Variants in NARS2 observed in about 807,000 individuals in gnomAD.
NARS2 encodes the protein asparaginyl-tRNA synthetase 2, mitochondrial, also known as asparaginyl-tRNA synthetase.
NARS2 carries 60 observed loss-of-function variants against 62.9 expected under a neutral mutation model. That is an observed-to-expected ratio of 0.95 (90% confidence interval 0.77 to 1.18). The LOEUF (loss-of-function observed/expected upper bound fraction) is 1.18. NARS2 is among the 50% of genes most tolerant of loss of function. The probability of loss-of-function intolerance (pLI) is 0.00; values close to 1 mark genes in which losing one functional copy is unlikely to be tolerated. For synonymous variants in NARS2, 196 were observed against 200.0 expected, an observed-to-expected ratio of 0.98 and a Z score of 0.17; for missense variants, 619 against 576.4, an observed-to-expected ratio of 1.07 and a Z score of -0.76.
intron 13 of NARS2, among the ~76,000 whole-genome samples, chr11:78,438,808 G>T (rs1007602441): frequency 6.6e-6 from 1 of 152,180 alleles, no homozygotes. Flanking sequence ...GCTTCTCACC[G>T]TATGGTGGAA....
At chr11:78,553,437 T>C (rs1410088327) in intron 5 of NARS2, among the ~76,000 whole-genome samples, 1 of 152,102 alleles carries the variant, frequency 6.6e-6, no homozygotes, top group Non-Finnish European at 1.5e-5. Context: ...TACAGGCATG[T>C]GCCACCATGC....
chr11:78,554,058 G>A (rs1240206975), intron 5 of NARS2, among the ~76,000 whole-genome samples: 2 of 152,072 alleles, frequency 1.3e-5, no homozygotes, highest in East Asian at 1.9e-4. Flanking sequence ...ATAGATGTGC[G>A]GCCTTATTTC....
At chr11:78,453,483 C>T (rs904505154) in intron 11 of NARS2, among the ~76,000 whole-genome samples, 3 of 152,016 alleles carry the variant, frequency 2.0e-5, no homozygotes, top group Non-Finnish European at 4.4e-5. Flanking sequence ...TAGATAGGAA[C>T]AAGGCTTACA....
chr11:78,566,190 A>G lies in NARS2; in HGVS notation c.455T>C (p.Leu152Pro). The change falls in exon 4 of 14, where the codon CTG (leucine) becomes CCG (proline). Residue 152 changes from leucine (L) to proline (P), a missense_variant. Physicochemically the swap from Leu to Pro is moderately conservative, Grantham distance 98. Transcript: ENST00000281038. ...ACTGCGAATCCTCAATATAGAACCC[A>G]GAACGTTAGTCCTACACCTAAAGTG... is the stretch of plus-strand genomic sequence containing the variant. The part of the protein sequence containing the change: ...YPHFRCRTNV[L>P]GSILRIRSEA... 6.2e-7 allele frequency: 1 copy of G among 1,613,472 alleles called. No homozygotes were observed. The highest frequency in any genetic ancestry group is 8.5e-7 in the Non-Finnish European group (1 of 1,179,598).
At chr11:78,561,104 T>A (rs898195322) in intron 4 of NARS2, among the ~76,000 whole-genome samples, 11 of 152,174 alleles carry the variant, frequency 7.2e-5, no homozygotes, top group Non-Finnish European at 1.5e-4. Flanking sequence ...GATTTTTTTT[T>A]AAATCACACA....
chr11:78,503,617 A>T lies in NARS2; in HGVS notation c.690-10422T>A, dbSNP rs555725888. Among the ~76,000 whole-genome samples, 6 of 152,344 alleles carry T rather than the reference A, an allele frequency of 3.9e-5. No homozygotes were observed. The South Asian group carries it at 6.2e-4, about 16-fold the overall frequency. On this transcript the variant is annotated intron_variant, in intron 6 of 13. Transcript: ENST00000281038. ...TGATACGAAAGGTAGTATTTCATAA[A>T]AAGGGTACACTTGCAGAGGCCTATA...
chr11:78,441,042 C>T (rs774324186), intron 13 of NARS2, 49 bp downstream of exon 13: 1 of 1,566,838 alleles, frequency 6.4e-7, no homozygotes. Context: ...TTCTAGGCAA[C>T]AGTCAGACAA....
At chr11:78,530,024 T>A (rs918704703) in intron 5 of NARS2, among the ~76,000 whole-genome samples, 6 of 152,216 alleles carry the variant, frequency 3.9e-5, no homozygotes, top group Non-Finnish European at 8.8e-5. Flanking sequence ...AAATACTGCA[T>A]ATCATGTATC....
chr11:78,506,468 T>C (rs115869386), intron 6 of NARS2, among the ~76,000 whole-genome samples: 2,289 of 152,312 alleles, frequency 0.015, 58 homozygotes, highest in African/African-American at 0.052. Context: ...TTTGGGAAGA[T>C]GGCAGAGAAG....
intron 6 of NARS2, among the ~76,000 whole-genome samples, chr11:78,498,326 C>T (rs547787238): frequency 6.6e-6 from 1 of 152,300 alleles, no homozygotes; most frequent in Non-Finnish European, 1.5e-5. Flanking sequence ...TCCTCGTTTT[C>T]CTTCTAAATA....
At chr11:78,468,433 G>C (rs1858724709) in intron 10 of NARS2, among the ~76,000 whole-genome samples, 1 of 147,374 alleles carries the variant, frequency 6.8e-6, no homozygotes, top group Non-Finnish European at 1.5e-5. Flanking sequence ...TTTTGAGATG[G>C]AGTCTCGCTG....
At chr11:78,523,564 A>C (rs1861201913) in intron 6 of NARS2, among the ~76,000 whole-genome samples, 1 of 152,218 alleles carries the variant, frequency 6.6e-6, no homozygotes, top group South Asian at 2.1e-4. Flanking sequence ...AAACAACCCA[A>C]ATGCTCATTA....
At chr11:78,476,021 C>G (rs1859078638) in intron 9 of NARS2, among the ~76,000 whole-genome samples, 1 of 152,170 alleles carries the variant, frequency 6.6e-6, no homozygotes, top group Admixed American at 6.5e-5. Context: ...CCATCTGTAT[C>G]TTACACAAAT....
intron 6 of NARS2, among the ~76,000 whole-genome samples, chr11:78,495,580 T>C (rs1860023336): frequency 1.3e-5 from 2 of 152,286 alleles, no homozygotes; most frequent in Non-Finnish European, 2.9e-5. Flanking sequence ...GTGCCTAAGA[T>C]AAAACAGGTG....
intron 6 of NARS2, among the ~76,000 whole-genome samples, chr11:78,499,162 T>C (rs982045559): frequency 2.0e-5 from 3 of 152,076 alleles, no homozygotes; most frequent in Non-Finnish European, 4.4e-5. Flanking sequence ...GTGATCCGCC[T>C]GCCTCGGCCT....
intron 11 of NARS2, among the ~76,000 whole-genome samples, chr11:78,446,885 CAATT>C: frequency 6.6e-6 from 1 of 151,578 alleles, no homozygotes; most frequent in East Asian, 1.9e-4. Context: ...GCAAAGGAAA[CAATT>C]AACAAAGTGA....
intron 1 of NARS2, 93 bp downstream of exon 1, chr11:78,574,255 G>C (rs1857034141): frequency 6.6e-7 from 1 of 1,522,704 alleles, no homozygotes; most frequent in Non-Finnish European, 9.1e-7. Context: ...GCTGGCGGTT[G>C]TGTCTGACCC....
At chr11:78,574,191 A>G (rs1359831281) in intron 1 of NARS2, among the ~76,000 whole-genome samples, 157 bp downstream of exon 1, 1 of 152,214 alleles carries the variant, frequency 6.6e-6, no homozygotes, top group Non-Finnish European at 1.5e-5. Flanking sequence ...GTGAAAAGTA[A>G]TGGAAATCAG....
At chr11:78,474,312 C>T (rs1160622813) in intron 9 of NARS2, among the ~76,000 whole-genome samples, 3 of 151,970 alleles carry the variant, frequency 2.0e-5, no homozygotes, top group Non-Finnish European at 4.4e-5. Flanking sequence ...TTACATTATT[C>T]ATATAAATAT....
Sources: gnomAD v4.1 joint callset for allele counts (sites outside exome capture counted in the v4.1 genomes callset) on GRCh38, gnomAD v4.1.1 for gene constraint, MANE v1.5 for transcripts, NCBI Gene and HGNC (gene_info 2026-07-23, HGNC 2026-07-21) for gene names.